GRIA1: variants seen among roughly 807,000 people sequenced by gnomAD.
GRIA1 encodes the protein glutamate receptor 1.
Under a neutral mutation model 99.2 loss-of-function variants are expected in GRIA1, and 31 were observed. The ratio of observed to expected loss-of-function variants is 0.31; its 90% CI spans 0.23 to 0.42. GRIA1 has a LOEUF of 0.42. Among genes scored for constraint, GRIA1 ranks in the 10% least tolerant of loss-of-function variants. The probability of loss-of-function intolerance (pLI) is 1.00; values close to 1 mark genes in which losing one functional copy is unlikely to be tolerated. For missense variants in GRIA1, 782 were observed against 1,157.5 expected, an observed-to-expected ratio of 0.68 and a Z score of 4.71; for synonymous variants, 438 against 432.4, an observed-to-expected ratio of 1.01 and a Z score of -0.16.
At chr5:153,683,489 A>T (rs559818512) in intron 7 of GRIA1, among the ~76,000 whole-genome samples, 4 of 152,126 alleles carry the variant, frequency 2.6e-5, no homozygotes. Flanking sequence ...TGCTCTGGCT[A>T]CTCACTGGGT....
At chr5:153,677,297 G>A (rs1234508647) in intron 7 of GRIA1, 136 bp downstream of exon 7, 4 of 621,768 alleles carry the variant, frequency 6.4e-6, no homozygotes, top group Non-Finnish European at 9.4e-6. Flanking sequence ...CATTGTTGGT[G>A]TTGGTGGTTC....
chr5:153,733,626 C>T, intron 11 of GRIA1, among the ~76,000 whole-genome samples: 1 of 152,098 alleles, frequency 6.6e-6, no homozygotes, highest in East Asian at 1.9e-4. Context: ...CTTGCTTCAG[C>T]TTTAAGTACA....
chr5:153,506,495 T>C (rs921683535), intron 2 of GRIA1, among the ~76,000 whole-genome samples: 6 of 152,160 alleles, frequency 3.9e-5, no homozygotes, highest in African/African-American at 1.4e-4. Context: ...TTGAAGAACT[T>C]CATCTTAGCT....
At chr5:153,767,527 C>T (rs1763595551) in intron 12 of GRIA1, among the ~76,000 whole-genome samples, 2 of 152,122 alleles carry the variant, frequency 1.3e-5, no homozygotes, top group African/African-American at 4.8e-5. Context: ...CAAGATATGT[C>T]CCATGCATAA....
intron 11 of GRIA1, among the ~76,000 whole-genome samples, chr5:153,708,624 G>C: frequency 6.6e-6 from 1 of 152,172 alleles, no homozygotes. Flanking sequence ...GCTATAACTG[G>C]ATGCTTTTTT....
intron 2 of GRIA1, 154 bp downstream of exon 2, chr5:153,494,219 G>T: frequency 1.4e-6 from 1 of 704,558 alleles, no homozygotes; most frequent in Middle Eastern, 3.8e-4. Context: ...AGGCTTCTGA[G>T]TGATTCCAGC....
At chr5:153,671,029 TTTTAC>T (rs1288531578) in intron 5 of GRIA1, among the ~76,000 whole-genome samples, 3 of 152,230 alleles carry the variant, frequency 2.0e-5, no homozygotes, top group African/African-American at 7.2e-5. Flanking sequence ...ATTTTGTTTC[TTTTAC>T]TTAACATCAT....
intron 11 of GRIA1, chr5:153,755,736 C>T (rs1001494846): frequency 1.3e-5 from 2 of 152,180 alleles, no homozygotes; most frequent in Non-Finnish European, 2.9e-5. Flanking sequence ...CTCATATCCC[C>T]CTAACAACAA....
At chr5:153,545,874 C>A (rs1278962448) in intron 2 of GRIA1, among the ~76,000 whole-genome samples, 4 of 152,200 alleles carry the variant, frequency 2.6e-5, no homozygotes. Flanking sequence ...ATTTGGCCCA[C>A]ACACCATAGT....
chr5:153,765,300 C>A (rs895882818), intron 12 of GRIA1, among the ~76,000 whole-genome samples: 6 of 152,110 alleles, frequency 3.9e-5, no homozygotes, highest in Non-Finnish European at 4.4e-5. Context: ...GACACCATTT[C>A]CATTCATCCA....
chr5:153,731,679 A>G (rs1761036666), intron 11 of GRIA1, among the ~76,000 whole-genome samples: 1 of 152,124 alleles, frequency 6.6e-6, no homozygotes, highest in Admixed American at 6.6e-5. Flanking sequence ...TATGTTGTGA[A>G]ATGATTATCA....
At chr5:153,524,618 T>C (rs1374835038) in intron 2 of GRIA1, among the ~76,000 whole-genome samples, 1 of 152,182 alleles carries the variant, frequency 6.6e-6, no homozygotes, top group Non-Finnish European at 1.5e-5. Flanking sequence ...TTCACTTAAT[T>C]GATATAGTGT....
At chr5:153,768,324 G>T (rs1459842888) in intron 12 of GRIA1, among the ~76,000 whole-genome samples, 2 of 152,024 alleles carry the variant, frequency 1.3e-5, no homozygotes, top group Non-Finnish European at 2.9e-5. Flanking sequence ...CTTCCAGCTA[G>T]CCAGGGACTT....
chr5:153,784,022 C>T (rs769685509), intron 13 of GRIA1, among the ~76,000 whole-genome samples: 8 of 152,168 alleles, frequency 5.3e-5, no homozygotes, highest in Non-Finnish European at 1.0e-4. Context: ...CTACCTAGTC[C>T]AATCCAGCTA....
chr5:153,543,197 A>G (rs192071356), intron 2 of GRIA1, among the ~76,000 whole-genome samples: 2 of 152,200 alleles, frequency 1.3e-5, no homozygotes, highest in Admixed American at 6.5e-5. Context: ...AGTGGAGGTA[A>G]TGGTGGCAAT....
intron 11 of GRIA1, among the ~76,000 whole-genome samples, chr5:153,730,870 ACTGCT>A (rs1760961720): frequency 6.6e-6 from 1 of 152,080 alleles, no homozygotes; most frequent in African/African-American, 2.4e-5. Context: ...TCAGAATGCA[ACTGCT>A]CTGATTAAGC....
intron 2 of GRIA1, among the ~76,000 whole-genome samples, chr5:153,628,607 A>G (rs1441962611): frequency 6.6e-6 from 1 of 152,230 alleles, no homozygotes; most frequent in Non-Finnish European, 1.5e-5. Flanking sequence ...GGCCACTGTT[A>G]GGCAATTTTA....
At chr5:153,780,633 T>A (rs1764570119) in intron 13 of GRIA1, among the ~76,000 whole-genome samples, 1 of 152,254 alleles carries the variant, frequency 6.6e-6, no homozygotes, top group Non-Finnish European at 1.5e-5. Flanking sequence ...CTTTGAAGCT[T>A]AATTTTCTCA....
chr5:153,519,183 A>C (rs2113361189), intron 2 of GRIA1, among the ~76,000 whole-genome samples: 1 of 152,214 alleles, frequency 6.6e-6, no homozygotes, highest in African/African-American at 2.4e-5. Flanking sequence ...GAATCGCTGG[A>C]ATCGGGAGGT....
Sources: gnomAD v4.1 joint callset for allele counts (sites outside exome capture counted in the v4.1 genomes callset) on GRCh38, gnomAD v4.1.1 for gene constraint, MANE v1.5 for transcripts, NCBI Gene and HGNC (gene_info 2026-07-23, HGNC 2026-07-21) for gene names.